The following ADCK5 variants were observed in gnomAD, a reference collection of about 807,000 sequenced individuals.
ADCK5 encodes uncharacterized aarF domain-containing protein kinase 5.
A neutral mutation model predicts 64.9 loss-of-function variants in ADCK5; 43 were observed. The observed-to-expected ratio is 0.66, with a 90% CI of 0.52 to 0.85. ADCK5 has a LOEUF of 0.85. ADCK5 is among the 40% of genes least tolerant of loss of function. The pLI, the probability that ADCK5 is intolerant of heterozygous loss-of-function variation, is 0.00. For missense variants in ADCK5, 760 were observed against 810.5 expected (o/e 0.94, Z 0.76); for synonymous variants, 434 against 342.8 (o/e 1.27, Z -2.94).
At position 144,391,166 on chromosome 8, in the gene ADCK5, C is replaced by T. The variant is rs1820203502; in HGVS notation, c.576C>T (p.Ala192=). 1.9e-6 allele frequency: 3 copies of T among 1,611,616 alleles called. No homozygotes were observed. The highest frequency in any genetic ancestry group is 2.5e-6 in the Non-Finnish European group (3 of 1,179,916). ...AGTTGTTCCTTGAGGACTTCCAGGC[C>T]CTCCCCCACGAGCTCTTCCAGGAGT... ...VDELFLEDFQ[A]LPHELFQEFD... The change falls in exon 6 of 15, where the codon GCC becomes GCT. Residue 192 remains alanine (A), a synonymous_variant. Coordinates refer to ENST00000308860, the MANE Select transcript of ADCK5 (RefSeq NM_174922.5).
chr8:144,392,890 C>T lies in ADCK5; in HGVS notation c.1635C>T (p.Leu545=), dbSNP rs151151901. ...AGATGCTCAAGTTTGAAGTGGCGCT[C>T]AGGTGAGTGGCCGCGGGGCAGGTGG... ...VWEMLKFEVA[L]RLETLAMRLT... is the part of the protein sequence containing the mutation. The change falls in exon 14 of 15, where the codon CTC becomes CTT. Residue 545 remains leucine (L), a splice_region_variant and synonymous_variant. Transcript: ENST00000308860. 3.9e-4 allele frequency: 624 copies of T among 1,601,430 alleles called. 5 individuals carry two copies. The African/African-American group carries it at 5.3e-3, about 14-fold the overall frequency.
rs1554861397 is a variant in ADCK5 at position 144,392,620 on chromosome 8, G to A, written c.1443G>A (p.Leu481=). 3 of 1,589,706 alleles carry A rather than the reference G, an allele frequency of 1.9e-6. No homozygotes were observed. The highest frequency in any genetic ancestry group is 1.3e-5 in the African/African-American group (1 of 74,636). ...RELPRPMLLV[L]RNINTVRAIN... ...TGCCGCGGCCCATGCTGCTGGTGCT[G>A]CGCAACATCAACACCGTGCGCGCTA... Residue 481 remains leucine, a synonymous_variant, in exon 13 of 15, where the codon CTG becomes CTA. Coordinates refer to ENST00000308860, the MANE Select transcript of ADCK5 (RefSeq NM_174922.5).
rs191475627 is a variant in ADCK5 at position 144,392,817 on chromosome 8, G to A, written c.1562G>A (p.Arg521Gln). The A allele has an allele frequency of 1.6e-5, 26 of 1,593,116 alleles. No homozygotes were observed. Among genetic ancestry groups the A allele is most frequent in the Admixed American group, 1.0e-4 (6 of 58,080 alleles). Reference protein sequence around the residue: ...GWSRLAGATYRGVYGTSLLRH... With the variant: ...GWSRLAGATYQGVYGTSLLRH... ...AGCCGCCTGGCGGGCGCCACGTATC[G>A]GGGTGTCTACGGCACCAGCCTCCTG... is the stretch of plus-strand genomic sequence containing the variant. Residue 521 changes from arginine to glutamine, a missense_variant, in exon 14 of 15, where the codon CGG (arginine) becomes CAG (glutamine). Transcript: ENST00000308860.
chr8:144,389,187 A>G (rs1479752356), intron 3 of ADCK5: 2 of 445,884 alleles, frequency 4.5e-6, no homozygotes, highest in African/African-American at 4.0e-5. Context: ...AATCTCCCCC[A>G]GGAGCCCAGT....
intron 1 of ADCK5, chr8:144,375,589 G>A: frequency 1.0e-6 from 1 of 985,460 alleles, no homozygotes; most frequent in Non-Finnish European, 1.2e-6. Flanking sequence ...CATGCATGTG[G>A]TTCTGCGGCC....
chr8:144,380,919 CCACTCAGGATTATGGGCTGGGTGTAGAA>C (rs1819588689), intron 2 of ADCK5, among the ~76,000 whole-genome samples: 1 of 20,178 alleles, frequency 5.0e-5, no homozygotes, highest in African/African-American at 2.1e-4. Context: ...GGCACCTGCC[CCACTCAGGATTATGGGCTGGGTGTAGAA>C]GCAGATGTGT....
At chr8:144,378,117 T>A (rs1186944069) in intron 1 of ADCK5, among the ~76,000 whole-genome samples, 1 of 152,184 alleles carries the variant, frequency 6.6e-6, no homozygotes, top group African/African-American at 2.4e-5. Flanking sequence ...TAAGCTGCGT[T>A]TAGCCTTCTC....
Position 144,391,139 on chromosome 8 carries a change from T to C in ADCK5, c.549T>C (p.Asp183=), listed in dbSNP as rs2130728714. 6.2e-7 allele frequency: 1 copy of C among 1,609,668 alleles called. No individual in the cohort carries two copies. The highest frequency in any genetic ancestry group is 8.5e-7 in the Non-Finnish European group (1 of 1,178,952). Residue 183 remains aspartate (D), a synonymous_variant, in exon 6 of 15, where the codon GAT becomes GAC. Coordinates refer to ENST00000308860, the MANE Select transcript of ADCK5 (RefSeq NM_174922.5). ...RALKRGFQEV[D]ELFLEDFQAL... is the part of the protein sequence containing the mutation. ...CTGAGCACCTGTCCTTCCAGGTGGA[T>C]GAGTTGTTCCTTGAGGACTTCCAGG...
In ADCK5 at chr8:144,391,982, T is replaced by C. The variant is rs1397093200; in HGVS notation, c.1056T>C (p.Phe352=). 3 of 1,612,418 alleles carry C rather than the reference T, an allele frequency of 1.9e-6. No homozygotes were observed. The highest frequency in any genetic ancestry group is 2.7e-5 in the African/African-American group (2 of 74,790). Reference sequence around the variant, plus strand: ...TCAAGGCCTTTGCTGAGCAGATATTTTACACCGGCTTCATCCACTCGGACC... The same window carrying C: ...TCAAGGCCTTTGCTGAGCAGATATTCTACACCGGCTTCATCCACTCGGACC... ...KLIKAFAEQI[F]YTGFIHSDPH... The change falls in exon 10 of 15, where the codon TTT becomes TTC. Residue 352 remains phenylalanine (F), a synonymous_variant. Transcript: ENST00000308860.
intron 1 of ADCK5, chr8:144,375,519 C>A: frequency 1.0e-6 from 1 of 985,458 alleles, no homozygotes; most frequent in South Asian, 4.7e-5. Context: ...GCGGCCGGGC[C>A]TGTCTGTGGG....
At position 144,376,112 on chromosome 8, in the gene ADCK5, T is replaced by C. The variant is rs1282131840; in HGVS notation, c.12+2005T>C. Reference sequence around the variant, plus strand: ...AGGATAGTCTGGGTGTGCTGGGCGCTCCACATTTGGAGGAGACAGGCTCTT... The same window carrying C: ...AGGATAGTCTGGGTGTGCTGGGCGCCCCACATTTGGAGGAGACAGGCTCTT... On this transcript the variant is annotated intron_variant, in intron 1 of 14. Coordinates refer to ENST00000308860, the MANE Select transcript of ADCK5 (RefSeq NM_174922.5). This position sits in a 1 kb window ranked among gnomAD's most constrained non-coding sequence, Gnocchi z 5.1. 6.6e-6 allele frequency among the ~76,000 whole-genome samples: 1 copy of C among 152,170 alleles called. No homozygotes were observed. The highest frequency in any genetic ancestry group is 1.5e-5 in the Non-Finnish European group (1 of 68,030).
rs1554861094 is a variant in ADCK5 at position 144,392,246 on chromosome 8, A to T, written c.1176-8A>T. 1 of 1,539,104 alleles carries T rather than the reference A, an allele frequency of 6.5e-7. No homozygotes were observed. The highest frequency in any genetic ancestry group is 2.4e-5 in the East Asian group (1 of 41,032). On this transcript the variant is annotated splice_region_variant and splice_polypyrimidine_tract_variant and intron_variant, in intron 11 of 14. Coordinates refer to ENST00000308860, the MANE Select transcript of ADCK5 (RefSeq NM_174922.5). ...GGAGCTCATGGCTGCGGGCCCATCCACACCCAGGGACCGCGCAGCCCTCTG... is the reference window on the plus strand; with the variant it reads ...GGAGCTCATGGCTGCGGGCCCATCCTCACCCAGGGACCGCGCAGCCCTCTG...
At chr8:144,374,594 C>T (rs1554856759) in intron 1 of ADCK5, among the ~76,000 whole-genome samples, 1 of 152,226 alleles carries the variant, frequency 6.6e-6, no homozygotes, top group South Asian at 2.1e-4. Flanking sequence ...GGGCAGGGGC[C>T]CCGCGGGGAA....
chr8:144,388,578 C>G (rs1242846885), intron 3 of ADCK5, among the ~76,000 whole-genome samples: 2 of 151,886 alleles, frequency 1.3e-5, no homozygotes, highest in Admixed American at 1.3e-4. Context: ...TCCTGGCCAA[C>G]ACGGTGAAAC....
intron 3 of ADCK5, among the ~76,000 whole-genome samples, chr8:144,390,018 A>G (rs1554860068): frequency 6.6e-6 from 1 of 151,594 alleles, no homozygotes; most frequent in East Asian, 1.9e-4. Context: ...TTAAGTAGAA[A>G]TGGGGTTTCA....
At chr8:144,382,773 C>T (rs1294540601) in intron 2 of ADCK5, among the ~76,000 whole-genome samples, 2 of 152,244 alleles carry the variant, frequency 1.3e-5, no homozygotes, top group African/African-American at 4.8e-5. Context: ...GAGCACAGAC[C>T]TGCCATTGAG....
chr8:144,379,733 G>A (rs550306761), intron 2 of ADCK5, among the ~76,000 whole-genome samples: 9 of 152,324 alleles, frequency 5.9e-5, no homozygotes, highest in East Asian at 1.9e-4. Context: ...CTAGCAAATC[G>A]GGAAGGGTGC....
Position 144,392,553 on chromosome 8 carries a change from C to T in ADCK5, c.1376C>T (p.Ala459Val). The change falls in exon 13 of 15, where the codon GCC (alanine) becomes GTC (valine). Residue 459 changes from alanine to valine, a missense_variant. By Grantham distance (64) the Ala-to-Val change is moderately conservative. This residue lies in a region of ADCK5 where 333 missense variants were observed against 292.0 expected (regional missense o/e 1.14). Coordinates refer to ENST00000308860, the MANE Select transcript of ADCK5 (RefSeq NM_174922.5). Reference sequence around the variant, plus strand: ...GAGGCGGCCTACATGGTGGACATGGCCCGCGAGCGCTTCGAGGCCGTCATG... The same window carrying T: ...GAGGCGGCCTACATGGTGGACATGGTCCGCGAGCGCTTCGAGGCCGTCATG... ...REEAAYMVDM[A>V]RERFEAVMAV... The T allele has an allele frequency of 6.4e-7, 1 of 1,565,248 alleles. No homozygotes were observed. Among genetic ancestry groups the T allele is most frequent in the Non-Finnish European group, 8.6e-7 (1 of 1,161,470 alleles).
chr8:144,387,218 AT>A (rs1405869295), intron 3 of ADCK5, among the ~76,000 whole-genome samples: 1 of 152,032 alleles, frequency 6.6e-6, no homozygotes, highest in Non-Finnish European at 1.5e-5. Context: ...GGTTTGTCTG[AT>A]GTTTGCTTGT....
Sources: gnomAD v4.1 joint callset for allele counts (sites outside exome capture counted in the v4.1 genomes callset) on GRCh38, gnomAD v4.1.1 for gene constraint, gnomAD v4.1.1 regional missense constraint, Gnocchi (gnomAD v3.1) non-coding constraint, MANE v1.5 for transcripts, NCBI Gene and HGNC (gene_info 2026-07-23, HGNC 2026-07-21) for gene names.